TXN: variants seen among roughly 807,000 people sequenced by gnomAD.
TXN encodes thioredoxin.
TXN carries 10 observed loss-of-function variants against 16.5 expected under a neutral mutation model. The ratio of observed to expected loss-of-function variants is 0.61; its 90% CI spans 0.37 to 1.03. The LOEUF is 1.03. Among genes scored for constraint, TXN ranks in the 50% least tolerant of loss-of-function variants. The pLI, the probability that TXN is intolerant of heterozygous loss-of-function variation, is 0.01. For synonymous variants in TXN, 35 were observed against 39.4 expected, an observed-to-expected ratio of 0.89 and a Z score of 0.42; for missense variants, 71 against 122.5, an observed-to-expected ratio of 0.58 and a Z score of 1.98.
chr9:110,249,309 A>T (rs1005485790), intron 3 of TXN, among the ~76,000 whole-genome samples: 72 of 72,326 alleles, frequency 1.0e-3, no homozygotes, highest in East Asian at 7.6e-3. Flanking sequence ...ACTCTTTTTA[A>T]AAAAAAAAAA....
intron 1 of TXN, among the ~76,000 whole-genome samples, 160 bp from the exon 2 acceptor site, chr9:110,251,622 C>T (rs1407550130): frequency 1.1e-5 from 1 of 89,920 alleles, no homozygotes; most frequent in Non-Finnish European, 2.3e-5. Context: ...AATCCCCAAA[C>T]AAGCCAAATA....
At position 110,256,265 on chromosome 9, in the gene TXN, G is replaced by A; in HGVS notation, c.24+147C>T. On this transcript the variant is annotated intron_variant, in intron 1 of 4. Transcript: ENST00000374517. This position sits in a 1 kb window ranked among gnomAD's most constrained non-coding sequence, Gnocchi z 4.2. ...CCGCTGCTTCCCGCAGTCCCAGGCCGAGACGCCGCGTCCCTTTCCCCTGGC... is the reference window on the plus strand; with the variant it reads ...CCGCTGCTTCCCGCAGTCCCAGGCCAAGACGCCGCGTCCCTTTCCCCTGGC... 1.1e-6 allele frequency: 1 copy of A among 914,304 alleles called. No individual in the cohort carries two copies. Among genetic ancestry groups the A allele is most frequent in the South Asian group, 1.5e-5 (1 of 65,812 alleles). The allele number at this position is 914,304 out of a possible 1,614,324, so 56.6% of individuals were successfully genotyped here.
chr9:110,247,608 ACTGCTTTAC>A (rs1837675895), intron 3 of TXN, among the ~76,000 whole-genome samples: 1 of 152,180 alleles, frequency 6.6e-6, no homozygotes, highest in Non-Finnish European at 1.5e-5. Context: ...ACCACTACAG[ACTGCTTTAC>A]CTGCGGAATA....
Position 110,256,269 on chromosome 9 carries a change from C to G in TXN, c.24+143G>C. ...TGCTTCCCGCAGTCCCAGGCCGAGA[C>G]GCCGCGTCCCTTTCCCCTGGCGATG... On this transcript the variant is annotated intron_variant, in intron 1 of 4. Coordinates refer to ENST00000374517, the MANE Select transcript of TXN (RefSeq NM_003329.4). The surrounding 1 kb of genome is among the most constrained non-coding windows in gnomAD (Gnocchi z 4.2). 1.8e-5 allele frequency: 17 copies of G among 939,008 alleles called. No individual in the cohort carries two copies. Among genetic ancestry groups the G allele is most frequent in the Non-Finnish European group, 2.8e-5 (17 of 617,238 alleles). The allele number at this position is 939,008 out of a possible 1,614,324, so 58.2% of individuals were successfully genotyped here.
chr9:110,256,118 T>C lies in TXN; in HGVS notation c.24+294A>G, dbSNP rs1435730919. On this transcript the variant is annotated intron_variant, in intron 1 of 4. Coordinates refer to ENST00000374517, the MANE Select transcript of TXN (RefSeq NM_003329.4). This position sits in a 1 kb window ranked among gnomAD's most constrained non-coding sequence, Gnocchi z 4.2. Reference sequence around the variant, plus strand: ...ATCCCCCGGACGCTCCCCGCGTGCGTGCAATCCCCCGAGGAACAGGGTGCG... The same window carrying C: ...ATCCCCCGGACGCTCCCCGCGTGCGCGCAATCCCCCGAGGAACAGGGTGCG... 6.6e-6 allele frequency among the ~76,000 whole-genome samples: 1 copy of C among 152,094 alleles called. No homozygotes were observed. The highest frequency in any genetic ancestry group is 1.5e-5 in the Non-Finnish European group (1 of 67,986).
chr9:110,251,092 G>T (rs1470767207), intron 2 of TXN, among the ~76,000 whole-genome samples: 1 of 151,912 alleles, frequency 6.6e-6, no homozygotes, highest in Non-Finnish European at 1.5e-5. Context: ...AAATTCTGAG[G>T]CTGGGATTTC....
chr9:110,245,654 A>ATT lies in TXN; in HGVS notation c.190-813_190-812dup, dbSNP rs1228829953. On this transcript the variant is annotated intron_variant, in intron 3 of 4. Coordinates refer to ENST00000374517, the MANE Select transcript of TXN (RefSeq NM_003329.4). ...TATATATATATATATATATATATAT[A>ATT]TTTTTTTTTTTTTTTTTTTATAGGG... Among the ~76,000 whole-genome samples, 30 of 21,786 alleles carry ATT rather than the reference A, an allele frequency of 1.4e-3. 3 individuals are homozygous for ATT. The highest frequency in any genetic ancestry group is 3.4e-3 in the African/African-American group (17 of 5,062). 14.3% of individuals were successfully genotyped at this position (21,786 alleles called of 152,430 possible).
intron 3 of TXN, among the ~76,000 whole-genome samples, chr9:110,245,592 T>C (rs779205148): frequency 5.3e-4 from 45 of 84,238 alleles, no homozygotes; most frequent in East Asian, 1.6e-3. Flanking sequence ...TGTGTGTGTG[T>C]GTATATATAT....
chr9:110,244,671 T>C (rs1837624531), intron 4 of TXN, 107 bp downstream of exon 4: 1 of 977,452 alleles, frequency 1.0e-6, no homozygotes, highest in African/African-American at 1.6e-5. Flanking sequence ...AAAGCAGAAC[T>C]TGGTGATATG....
rs767670280 is a variant in TXN, at chr9:110,256,370, G to C, written c.24+42C>G. ...ACCGCCTTCCCCAGTTACAGAGGCC[G>C]CGCGCGGCGCCGGCACCCTGGCCTT... On this transcript the variant is annotated intron_variant, in intron 1 of 4. Transcript: ENST00000374517. This position sits in a 1 kb window ranked among gnomAD's most constrained non-coding sequence, Gnocchi z 4.2. 1.6e-5 allele frequency: 25 copies of C among 1,582,902 alleles called. No individual in the cohort carries two copies. Among genetic ancestry groups the C allele is most frequent in the Non-Finnish European group, 2.1e-5 (25 of 1,164,102 alleles).
chr9:110,250,765 G>C lies in TXN; in HGVS notation c.189+55C>G, dbSNP rs1837723116. ...ATGGAAAAAAGCACTGTGCAATTCA[G>C]AGAAAAAGGCCAATGTGAAAAGCTC... is the stretch of plus-strand genomic sequence containing the variant. On this transcript the variant is annotated intron_variant, in intron 3 of 4. Transcript: ENST00000374517. 6 of 1,320,570 alleles carry C rather than the reference G, an allele frequency of 4.5e-6. No homozygotes were observed. The Admixed American group carries it at 1.2e-4, about 26-fold the overall frequency. 81.8% of individuals were successfully genotyped at this position (1,320,570 alleles called of 1,614,324 possible). A position where few individuals can be genotyped will look rare whatever the true frequency, so the allele number is the denominator to read the frequency against.
At chr9:110,245,103 G>T in intron 3 of TXN, 1 of 304,166 alleles carries the variant, frequency 3.3e-6, no homozygotes. Context: ...TGTTCAGAAT[G>T]TTACTAGCAT....
rs1228829953 is a variant in TXN, at chr9:110,245,654, A to ATTTTTT, written c.190-817_190-812dup. Among the ~76,000 whole-genome samples, 27 of 21,778 alleles carry ATTTTTT rather than the reference A, an allele frequency of 1.2e-3. 3 individuals carry two copies. The highest frequency in any genetic ancestry group is 5.1e-3 in the African/African-American group (26 of 5,054). The allele number at this position is 21,778 out of a possible 152,430, so 14.3% of individuals were successfully genotyped here. A position where few individuals can be genotyped will look rare whatever the true frequency, so the allele number is the denominator to read the frequency against. ...TATATATATATATATATATATATAT[A>ATTTTTT]TTTTTTTTTTTTTTTTTTTATAGGG... On this transcript the variant is annotated intron_variant, in intron 3 of 4. Coordinates refer to ENST00000374517, the MANE Select transcript of TXN (RefSeq NM_003329.4).
chr9:110,251,259 C>A (rs960188471), intron 2 of TXN, 99 bp downstream of exon 2: 3 of 920,086 alleles, frequency 3.3e-6, no homozygotes, highest in Admixed American at 4.0e-5. Context: ...ATCCCCCCAC[C>A]GAAACCAAAA....
intron 1 of TXN, among the ~76,000 whole-genome samples, chr9:110,255,127 A>G (rs1837788514): frequency 6.6e-6 from 1 of 152,210 alleles, no homozygotes; most frequent in Non-Finnish European, 1.5e-5. Context: ...GATCGGGGAC[A>G]CATTGCAGAC....
intron 1 of TXN, 73 bp from the exon 2 acceptor site, chr9:110,251,535 A>G: frequency 1.4e-6 from 1 of 716,090 alleles, no homozygotes; most frequent in Non-Finnish European, 2.2e-6. Flanking sequence ...ACTCGACACA[A>G]TGACACAAAG....
At chr9:110,251,215 C>T (rs1480962787) in intron 2 of TXN, 143 bp downstream of exon 2, 3 of 684,648 alleles carry the variant, frequency 4.4e-6, no homozygotes, top group Non-Finnish European at 5.2e-6. Flanking sequence ...ATTTGTTATA[C>T]TACTACTTTT....
intron 1 of TXN, among the ~76,000 whole-genome samples, chr9:110,255,490 G>A (rs1353491077): frequency 1.3e-5 from 2 of 152,226 alleles, no homozygotes; most frequent in Non-Finnish European, 2.9e-5. Flanking sequence ...ATAGGTCGGC[G>A]AGCAGGCAGC....
At chr9:110,245,960 G>T (rs1837654037) in intron 3 of TXN, among the ~76,000 whole-genome samples, 1 of 152,034 alleles carries the variant, frequency 6.6e-6, no homozygotes, top group Admixed American at 6.6e-5. Flanking sequence ...AGCTACTCAG[G>T]AGGTTGAGAC....
Sources: allele counts gnomAD v4.1 joint callset (sites outside exome capture counted in the v4.1 genomes callset), GRCh38; gene constraint gnomAD v4.1.1; non-coding constraint Gnocchi (gnomAD v3.1); transcripts MANE v1.5; gene names NCBI Gene and HGNC (gene_info 2026-07-23, HGNC 2026-07-21).